The following ATG5 variants were observed in gnomAD, a reference collection of about 807,000 sequenced individuals.
The protein encoded by ATG5 is autophagy protein 5.
A neutral mutation model predicts 36.5 loss-of-function variants in ATG5; 14 were observed. The ratio of observed to expected loss-of-function variants is 0.38; its 90% CI spans 0.25 to 0.60. ATG5 has a LOEUF of 0.60. Among genes scored for constraint, ATG5 ranks in the 20% least tolerant of loss-of-function variants. The probability of loss-of-function intolerance (pLI) is 0.60; values close to 1 mark genes in which losing one functional copy is unlikely to be tolerated. For missense variants in ATG5, 195 were observed against 326.7 expected (o/e 0.60, Z 3.11); for synonymous variants, 95 against 101.5 (o/e 0.94, Z 0.38).
chr6:106,294,920 A>G (rs1330872050), intron 3 of ATG5, among the ~76,000 whole-genome samples: 1 of 151,786 alleles, frequency 6.6e-6, no homozygotes, highest in Non-Finnish European at 1.5e-5. Context: ...TTTTAGTCTT[A>G]TATGCATTAT....
At chr6:106,207,138 C>T (rs1776665560) in intron 6 of ATG5, among the ~76,000 whole-genome samples, 1 of 152,104 alleles carries the variant, frequency 6.6e-6, no homozygotes, top group Non-Finnish European at 1.5e-5. Flanking sequence ...GTCCTTGTTA[C>T]TTTTTCAAAT....
intron 3 of ATG5, among the ~76,000 whole-genome samples, chr6:106,305,777 C>T (rs968712604): frequency 6.6e-6 from 1 of 152,206 alleles, no homozygotes; most frequent in Non-Finnish European, 1.5e-5. Flanking sequence ...TCCTATTTTG[C>T]GAAGCCCACT....
chr6:106,287,211 T>C (rs978034291), intron 4 of ATG5, among the ~76,000 whole-genome samples: 8 of 152,116 alleles, frequency 5.3e-5, no homozygotes, highest in African/African-American at 1.9e-4. Flanking sequence ...CAACAACACA[T>C]AACAGGAGGA....
At chr6:106,313,149 T>C (rs2114674463) in intron 2 of ATG5, among the ~76,000 whole-genome samples, 1 of 152,334 alleles carries the variant, frequency 6.6e-6, no homozygotes, top group East Asian at 1.9e-4. Context: ...GGGCTGGGCC[T>C]TGCCTAGAAG....
chr6:106,307,702 A>T (rs974603344), intron 3 of ATG5, among the ~76,000 whole-genome samples: 1 of 151,908 alleles, frequency 6.6e-6, no homozygotes, highest in African/African-American at 2.4e-5. Context: ...ACGCCCAACT[A>T]ATTTTGTATT....
intron 1 of ATG5, among the ~76,000 whole-genome samples, chr6:106,323,705 T>C (rs1488226985): frequency 6.6e-6 from 1 of 152,176 alleles, no homozygotes; most frequent in African/African-American, 2.4e-5. Context: ...ATGCAGTCAA[T>C]GGCCTACTAA....
chr6:106,202,915 G>A (rs532968217), intron 6 of ATG5, among the ~76,000 whole-genome samples: 45 of 152,224 alleles, frequency 3.0e-4, no homozygotes, highest in African/African-American at 9.1e-4. Context: ...TGCCGGCTTC[G>A]GCCTCCCAGA....
rs1775701013 is a variant in ATG5, at chr6:106,184,676, TA to T, written c.*1863del. The T allele has an allele frequency of 6.6e-6, 1 of 152,260 alleles. No homozygotes were observed. The highest frequency in any genetic ancestry group is 1.9e-4 in the East Asian group (1 of 5,338). 9.4% of individuals were successfully genotyped at this position (152,260 alleles called of 1,614,324 possible). On this transcript the variant is annotated 3_prime_UTR_variant, in exon 8 of 8. Coordinates refer to ENST00000369076, the MANE Select transcript of ATG5 (RefSeq NM_004849.4). ...GAAGTAAAAATGGGCAATGTCTTCA[TA>T]AAATTTACTTTCAAATCTAGATCAG... is the stretch of plus-strand genomic sequence containing the variant.
chr6:106,315,608 C>CGT (rs541899030), intron 2 of ATG5, among the ~76,000 whole-genome samples: 2 of 151,894 alleles, frequency 1.3e-5, no homozygotes, highest in South Asian at 2.1e-4. Flanking sequence ...GTGAACGTAT[C>CGT]GTGTGTGTGT....
At chr6:106,297,505 A>T (rs1770006338) in intron 3 of ATG5, among the ~76,000 whole-genome samples, 1 of 152,140 alleles carries the variant, frequency 6.6e-6, no homozygotes, top group Non-Finnish European at 1.5e-5. Flanking sequence ...AATAAACTAG[A>T]ACCTCTCAGA....
chr6:106,261,702 T>C (rs1351363372), intron 5 of ATG5, among the ~76,000 whole-genome samples: 2 of 152,164 alleles, frequency 1.3e-5, no homozygotes, highest in Admixed American at 6.5e-5. Context: ...AAGAGTATGG[T>C]GGTAATTAGG....
intron 5 of ATG5, among the ~76,000 whole-genome samples, chr6:106,277,928 T>G (rs1474992971): frequency 2.0e-5 from 3 of 152,186 alleles, no homozygotes; most frequent in Non-Finnish European, 2.9e-5. Flanking sequence ...CTGAGAACTG[T>G]TTTATTTTTA....
intron 7 of ATG5, among the ~76,000 whole-genome samples, chr6:106,189,848 G>GT (rs1775905386): frequency 6.6e-6 from 1 of 151,954 alleles, no homozygotes; most frequent in South Asian, 2.1e-4. Context: ...TCCCACTCAG[G>GT]TTTTTAAAAA....
chr6:106,322,326 T>G (rs1289124147), intron 1 of ATG5, among the ~76,000 whole-genome samples: 2 of 152,186 alleles, frequency 1.3e-5, no homozygotes, highest in African/African-American at 4.8e-5. Flanking sequence ...ACCTACTACC[T>G]GAAGTAATTT....
At chr6:106,257,011 T>C (rs992065207) in intron 5 of ATG5, among the ~76,000 whole-genome samples, 26 of 152,246 alleles carry the variant, frequency 1.7e-4, no homozygotes, top group African/African-American at 6.3e-4. Flanking sequence ...TTTATATCCT[T>C]ATTCTATGAA....
In ATG5 at chr6:106,202,084, C is replaced by A; in HGVS notation, c.579G>T (p.Thr193=). 6.2e-7 allele frequency: 1 copy of A among 1,612,738 alleles called. No individual in the cohort carries two copies. Among genetic ancestry groups the A allele is most frequent in the South Asian group, 1.1e-5 (1 of 90,844 alleles). Residue 193 remains threonine (T), a synonymous_variant, in exon 7 of 8, where the codon ACG becomes ACT. Coordinates refer to ENST00000369076, the MANE Select transcript of ATG5 (RefSeq NM_004849.4). ...RYIPFRIYQT[T]TERPFIQKLF... ...GCTTCTGAATGAAAGGTCTTTCAGT[C>A]GTTGTCTATTTGAAAAAGGAAAAAA...
At chr6:106,309,745 A>C (rs915342844) in intron 2 of ATG5, among the ~76,000 whole-genome samples, 2 of 152,192 alleles carry the variant, frequency 1.3e-5, no homozygotes, top group Admixed American at 6.5e-5. Context: ...ATGTGACATT[A>C]AAGTCTCTTT....
chr6:106,322,933 A>T (rs1047280914), intron 1 of ATG5, among the ~76,000 whole-genome samples: 7 of 151,518 alleles, frequency 4.6e-5, no homozygotes, highest in African/African-American at 9.7e-5. Flanking sequence ...ATTTTATTTT[A>T]TTTTGAGACG....
intron 1 of ATG5, among the ~76,000 whole-genome samples, chr6:106,317,201 G>T (rs1213063729): frequency 6.6e-6 from 1 of 152,088 alleles, no homozygotes. Context: ...AAATATTGTT[G>T]ATAATATACA....
Sources: allele counts gnomAD v4.1 joint callset (sites outside exome capture counted in the v4.1 genomes callset), GRCh38; gene constraint gnomAD v4.1.1; transcripts MANE v1.5; gene names NCBI Gene and HGNC (gene_info 2026-07-23, HGNC 2026-07-21).